CDH12: variants seen among roughly 807,000 people sequenced by gnomAD.
CDH12 encodes cadherin-12.
In CDH12, 41 loss-of-function variants were observed where a neutral mutation model predicts 74.1. That is an observed-to-expected ratio of 0.55 (90% CI 0.43 to 0.72). The LOEUF (loss-of-function observed/expected upper bound fraction) is 0.72, where lower values mean the gene tolerates loss of function less well. Ranked by LOEUF, CDH12 falls within the 30% of genes least tolerant of loss-of-function variation. The probability of loss-of-function intolerance (pLI) is 0.00; values close to 1 mark genes in which losing one functional copy is unlikely to be tolerated. For synonymous variants in CDH12, 399 were observed against 355.0 expected (o/e 1.12, Z -1.39); for missense variants, 945 against 977.2 (o/e 0.97, Z 0.44).
rs866362357 is a variant in CDH12 at position 22,018,347 on chromosome 5, A to C, written c.232-42962T>G. Among the ~76,000 whole-genome samples the C allele has an allele frequency of 1.2e-4, 18 of 152,332 alleles. No individual in the cohort carries two copies. The Middle Eastern group carries it at 0.017, about 144-fold the overall frequency. On this transcript the variant is annotated intron_variant, in intron 5 of 14. Transcript: ENST00000382254. Reference sequence around the variant, plus strand: ...GTATAATTTCAAAACACTTTGTACTATTAAATCTTAAAATCTGTAAGAAAG... The same window carrying C: ...GTATAATTTCAAAACACTTTGTACTCTTAAATCTTAAAATCTGTAAGAAAG...
Position 22,412,874 on chromosome 5 carries a change from C to A in CDH12, c.-427-7523G>T, listed in dbSNP as rs138116892. 3.9e-4 allele frequency among the ~76,000 whole-genome samples: 59 copies of A among 151,990 alleles called. No individual in the cohort carries two copies. In the East Asian group the frequency reaches 0.011, roughly 28 times the overall value. On this transcript the variant is annotated intron_variant, in intron 2 of 14. Coordinates refer to ENST00000382254, the MANE Select transcript of CDH12 (RefSeq NM_004061.5). ...TTCTGCTCCATCTGTAATTCATAGT[C>A]TATTGTATTTTTAATGTTTCCCTTT...
chr5:22,322,366 T>A (rs77286820), intron 3 of CDH12, among the ~76,000 whole-genome samples: 4 of 148,710 alleles, frequency 2.7e-5, no homozygotes, highest in Admixed American at 6.7e-5. Context: ...CAGCTTTATT[T>A]AAAAAAAAAA....
At chr5:22,311,108 C>T (rs1738370321) in intron 3 of CDH12, among the ~76,000 whole-genome samples, 1 of 152,084 alleles carries the variant, frequency 6.6e-6, no homozygotes, top group Non-Finnish European at 1.5e-5. Flanking sequence ...GAAATTCTTT[C>T]TGTTACAAAT....
intron 7 of CDH12, among the ~76,000 whole-genome samples, chr5:21,853,933 T>C (rs988767144): frequency 6.6e-6 from 1 of 151,652 alleles, no homozygotes; most frequent in African/African-American, 2.4e-5. Context: ...GCTTCAACTG[T>C]GACATGGAAG....
intron 4 of CDH12, among the ~76,000 whole-genome samples, chr5:22,174,027 T>C (rs1171205080): frequency 6.6e-6 from 1 of 152,010 alleles, no homozygotes. Context: ...ATAAATATTG[T>C]GATTTGTAAC....
intron 3 of CDH12, among the ~76,000 whole-genome samples, chr5:22,311,702 CAAAAAAAA>C (rs138539518): frequency 2.1e-5 from 2 of 94,712 alleles, no homozygotes; most frequent in African/African-American, 8.2e-5. Flanking sequence ...GACTCCATCT[CAAAAAAAA>C]AAAAAAAAAA....
chr5:22,131,954 C>G (rs893556621), intron 4 of CDH12, among the ~76,000 whole-genome samples: 1 of 152,058 alleles, frequency 6.6e-6, no homozygotes, highest in Non-Finnish European at 1.5e-5. Flanking sequence ...AGGCAAAAAG[C>G]TATGGAAAGG....
chr5:22,815,657 C>A (rs1581028389), intron 1 of CDH12, among the ~76,000 whole-genome samples: 1 of 151,042 alleles, frequency 6.6e-6, no homozygotes, highest in East Asian at 2.0e-4. Context: ...GTAGTCCATG[C>A]TACTCAGGAG....
At chr5:22,229,256 T>C (rs1043159458) in intron 3 of CDH12, among the ~76,000 whole-genome samples, 16 of 152,018 alleles carry the variant, frequency 1.1e-4, no homozygotes, top group African/African-American at 3.9e-4. Flanking sequence ...ATCATTCTTT[T>C]GGAGTAGAGA....
intron 5 of CDH12, among the ~76,000 whole-genome samples, chr5:22,008,431 G>A (rs1737092719): frequency 6.6e-6 from 1 of 151,946 alleles, no homozygotes; most frequent in Non-Finnish European, 1.5e-5. Flanking sequence ...GTTTCACCTT[G>A]TTGGCCAGGC....
intron 12 of CDH12, among the ~76,000 whole-genome samples, chr5:21,764,216 T>C (rs1480299942): frequency 6.6e-6 from 1 of 151,680 alleles, no homozygotes; most frequent in Non-Finnish European, 1.5e-5. Flanking sequence ...CTACCAAAAA[T>C]ACAAAAAATT....
chr5:22,628,479 A>T (rs535035436), intron 1 of CDH12, among the ~76,000 whole-genome samples: 69 of 152,158 alleles, frequency 4.5e-4, no homozygotes, highest in Non-Finnish European at 8.7e-4. Flanking sequence ...GAAATTAAAC[A>T]ATCTGCTCCT....
intron 2 of CDH12, among the ~76,000 whole-genome samples, chr5:22,479,549 G>A (rs1222393395): frequency 6.6e-6 from 1 of 152,156 alleles, no homozygotes; most frequent in Non-Finnish European, 1.5e-5. Context: ...GTGAGGGAGG[G>A]CTCTCCAGCT....
chr5:21,853,295 C>T (rs921593017), intron 7 of CDH12, among the ~76,000 whole-genome samples: 3 of 151,556 alleles, frequency 2.0e-5, no homozygotes, highest in African/African-American at 7.3e-5. Flanking sequence ...TTCTCCAAAA[C>T]TCTATCGAAA....
intron 5 of CDH12, among the ~76,000 whole-genome samples, chr5:22,033,863 T>C (rs1362957574): frequency 4.6e-5 from 7 of 152,182 alleles, no homozygotes; most frequent in Non-Finnish European, 1.0e-4. Flanking sequence ...TCTCCCTCTT[T>C]AGCACTTAGC....
intron 1 of CDH12, among the ~76,000 whole-genome samples, chr5:22,795,338 A>T (rs1015920186): frequency 6.6e-6 from 1 of 152,120 alleles, no homozygotes; most frequent in East Asian, 1.9e-4. Flanking sequence ...AACTTCAAAA[A>T]TAAGGGCAGA....
At chr5:22,707,386 G>A (rs1243977064) in intron 1 of CDH12, among the ~76,000 whole-genome samples, 1 of 152,076 alleles carries the variant, frequency 6.6e-6, no homozygotes, top group African/African-American at 2.4e-5. Flanking sequence ...TTTTAACTAT[G>A]ATTTCACCCT....
At chr5:22,586,349 G>A (rs1253549212) in intron 1 of CDH12, among the ~76,000 whole-genome samples, 3 of 152,018 alleles carry the variant, frequency 2.0e-5, no homozygotes, top group Non-Finnish European at 4.4e-5. Flanking sequence ...GGGGTGGGGG[G>A]AGTGAGGAGG....
At chr5:21,880,659 C>CTT (rs1440969546) in intron 6 of CDH12, among the ~76,000 whole-genome samples, 1 of 125,740 alleles carries the variant, frequency 8.0e-6, no homozygotes, top group African/African-American at 3.0e-5. Flanking sequence ...TTCTTTCTTT[C>CTT]TTTCTTTCTT....
Sources: gnomAD v4.1 joint callset for allele counts (sites outside exome capture counted in the v4.1 genomes callset) on GRCh38, gnomAD v4.1.1 for gene constraint, MANE v1.5 for transcripts, NCBI Gene and HGNC (gene_info 2026-07-23, HGNC 2026-07-21) for gene names.